The following RAB38 variants were observed in gnomAD, a reference collection of about 807,000 sequenced individuals.
RAB38 encodes ras-related protein Rab-38.
Under a neutral mutation model 18.4 loss-of-function variants are expected in RAB38, and 15 were observed. The ratio of observed to expected loss-of-function variants is 0.82; its 90% CI spans 0.55 to 1.26. RAB38 has a LOEUF of 1.26. Ranked by LOEUF, RAB38 falls within the 50% of genes most tolerant of loss-of-function variation. RAB38 has a pLI of 0.00. For synonymous variants in RAB38, 101 were observed against 104.4 expected (o/e 0.97, Z 0.20); for missense variants, 294 against 267.4 (o/e 1.10, Z -0.69).
At chr11:87,813,270 C>T in the RAB38 span, among the ~76,000 whole-genome samples, 1 of 152,070 alleles carries the variant, frequency 6.6e-6, no homozygotes, top group Non-Finnish European at 1.5e-5. Flanking sequence ...AGAAGATTCC[C>T]CAGCTCTTTT....
the RAB38 span, among the ~76,000 whole-genome samples, chr11:87,852,157 C>T: frequency 1.3e-5 from 2 of 151,988 alleles, no homozygotes; most frequent in Admixed American, 6.6e-5. Flanking sequence ...TTCCTTTCCT[C>T]TGGGTATAGA....
At chr11:87,926,607 A>G in the RAB38 span, among the ~76,000 whole-genome samples, 1 of 151,938 alleles carries the variant, frequency 6.6e-6, no homozygotes, top group African/African-American at 2.4e-5. Flanking sequence ...TCCCCAAGAG[A>G]GTTGCTATGT....
At chr11:87,922,086 C>G in the RAB38 span, among the ~76,000 whole-genome samples, 1 of 151,982 alleles carries the variant, frequency 6.6e-6, no homozygotes, top group Non-Finnish European at 1.5e-5. Flanking sequence ...GTGTTTTAGA[C>G]TGGTTTCATG....
At chr11:87,897,616 A>G in the RAB38 span, among the ~76,000 whole-genome samples, 2 of 151,616 alleles carry the variant, frequency 1.3e-5, no homozygotes, top group South Asian at 4.1e-4. Flanking sequence ...GCAGATACAC[A>G]TATTTGCCTA....
the RAB38 span, among the ~76,000 whole-genome samples, chr11:88,086,634 A>G: frequency 2.6e-5 from 4 of 151,900 alleles, no homozygotes; most frequent in African/African-American, 7.2e-5. Context: ...CAAATGACCA[A>G]TTCTGTGTTT....
At chr11:88,137,869 C>A (rs2134806489) in intron 2 of RAB38, among the ~76,000 whole-genome samples, 1 of 152,200 alleles carries the variant, frequency 6.6e-6, no homozygotes, top group East Asian at 1.9e-4. Flanking sequence ...AAGAGTAATG[C>A]TAAATGCTGT....
intron 2 of RAB38, among the ~76,000 whole-genome samples, chr11:88,128,386 T>C (rs533277732): frequency 7.2e-5 from 11 of 152,336 alleles, no homozygotes; most frequent in African/African-American, 2.6e-4. Context: ...AGAATTTAAA[T>C]ATAAGGCATT....
At chr11:88,086,027 G>T in the RAB38 span, among the ~76,000 whole-genome samples, 1 of 151,822 alleles carries the variant, frequency 6.6e-6, no homozygotes, top group Non-Finnish European at 1.5e-5. Flanking sequence ...CTAACTGTAT[G>T]ACTTTGAGTA....
chr11:87,955,011 ATTGTTG>A, the RAB38 span, among the ~76,000 whole-genome samples: 3 of 152,182 alleles, frequency 2.0e-5, no homozygotes, highest in Non-Finnish European at 4.4e-5. Context: ...TGGTGAAAAG[ATTGTTG>A]TTGAACAGAC....
chr11:88,146,294 G>A (rs1374239589), intron 2 of RAB38, among the ~76,000 whole-genome samples: 1 of 152,196 alleles, frequency 6.6e-6, no homozygotes, highest in African/African-American at 2.4e-5. Flanking sequence ...TGTCAAAGCT[G>A]ATGATGATAC....
chr11:87,835,498 C>T, the RAB38 span, among the ~76,000 whole-genome samples: 2 of 152,170 alleles, frequency 1.3e-5, no homozygotes, highest in Non-Finnish European at 2.9e-5. Flanking sequence ...CCTCGCTTCC[C>T]CCCACTGAAG....
the RAB38 span, among the ~76,000 whole-genome samples, chr11:87,837,455 C>T: frequency 1.3e-5 from 2 of 152,046 alleles, no homozygotes. Flanking sequence ...CTAGAGCTCT[C>T]GAATGTTTTT....
intron 2 of RAB38, among the ~76,000 whole-genome samples, chr11:88,143,089 G>T (rs888812373): frequency 6.6e-6 from 1 of 152,188 alleles, no homozygotes; most frequent in African/African-American, 2.4e-5. Flanking sequence ...TGGTGGTTGG[G>T]TGGCTAAGCT....
At chr11:87,943,224 C>G in the RAB38 span, among the ~76,000 whole-genome samples, 2 of 152,140 alleles carry the variant, frequency 1.3e-5, no homozygotes, top group Admixed American at 1.3e-4. Context: ...GATACTGGCT[C>G]TTCTTTGGGA....
At chr11:88,077,181 TAGA>T in the RAB38 span, among the ~76,000 whole-genome samples, 3 of 152,040 alleles carry the variant, frequency 2.0e-5, no homozygotes, top group South Asian at 6.2e-4. Context: ...ATTCATGGAT[TAGA>T]AGAACAAATA....
chr11:88,153,349 C>T lies in RAB38; in HGVS notation c.203-3394G>A, dbSNP rs149315405. On this transcript the variant is annotated intron_variant, in intron 1 of 2. Transcript: ENST00000243662. Reference sequence around the variant, plus strand: ...CAGCTAAAAATACACACAAACATCACAGCTAAAATGTATATCTAGCAGTAT... The same window carrying T: ...CAGCTAAAAATACACACAAACATCATAGCTAAAATGTATATCTAGCAGTAT... Among the ~76,000 whole-genome samples the T allele has an allele frequency of 5.3e-3, 804 of 152,346 alleles. 7 individuals carry two copies. The highest frequency in any genetic ancestry group is 0.019 in the African/African-American group (777 of 41,578).
chr11:87,947,348 C>T, the RAB38 span, among the ~76,000 whole-genome samples: 2 of 150,204 alleles, frequency 1.3e-5, no homozygotes, highest in Admixed American at 6.7e-5. Flanking sequence ...TGCCTGTTCA[C>T]TCTGATGGTA....
chr11:87,819,592 C>T, the RAB38 span, among the ~76,000 whole-genome samples: 6 of 151,322 alleles, frequency 4.0e-5, no homozygotes, highest in Non-Finnish European at 2.9e-5. Context: ...AAAAAAGGAA[C>T]ACAGACTCTC....
the RAB38 span, among the ~76,000 whole-genome samples, chr11:87,847,848 G>C: frequency 6.6e-6 from 1 of 152,054 alleles, no homozygotes; most frequent in African/African-American, 2.4e-5. Context: ...TCAGTGTCCT[G>C]GGCCAAACAT....
Sources: gnomAD v4.1 joint callset for allele counts (sites outside exome capture counted in the v4.1 genomes callset) on GRCh38, gnomAD v4.1.1 for gene constraint, MANE v1.5 for transcripts, NCBI Gene and HGNC (gene_info 2026-07-23, HGNC 2026-07-21) for gene names.